RAB1A: variants seen among roughly 807,000 people sequenced by gnomAD.
RAB1A encodes ras-related protein Rab-1A.
RAB1A carries 2 observed loss-of-function variants against 26.0 expected under a neutral mutation model. The observed-to-expected ratio is 0.08, with a 90% CI of 0.03 to 0.24. The LOEUF (loss-of-function observed/expected upper bound fraction) is 0.24, where lower values mean the gene tolerates loss of function less well. RAB1A is among the 10% of genes least tolerant of loss of function. RAB1A has a pLI of 1.00. For synonymous variants in RAB1A, 84 were observed against 84.9 expected, an observed-to-expected ratio of 0.99 and a Z score of 0.06; for missense variants, 100 against 247.0, an observed-to-expected ratio of 0.40 and a Z score of 3.99.
intron 1 of RAB1A, among the ~76,000 whole-genome samples, chr2:65,113,136 A>G (rs901473552): frequency 1.1e-4 from 17 of 152,158 alleles, no homozygotes; most frequent in African/African-American, 3.9e-4. Flanking sequence ...ATGGGGAAAA[A>G]TTGAACTATA....
intron 1 of RAB1A, among the ~76,000 whole-genome samples, chr2:65,128,154 A>G (rs532036100): frequency 3.3e-5 from 5 of 152,286 alleles, no homozygotes; most frequent in African/African-American, 1.2e-4. Flanking sequence ...AAATTCTTTT[A>G]TATACATTTG....
intron 1 of RAB1A, among the ~76,000 whole-genome samples, chr2:65,111,541 A>G (rs886322980): frequency 6.6e-6 from 1 of 152,214 alleles, no homozygotes; most frequent in Middle Eastern, 3.2e-3. Flanking sequence ...AATATGGTAT[A>G]CTGAATTAGA....
intron 1 of RAB1A, among the ~76,000 whole-genome samples, chr2:65,128,642 T>C (rs767918379): frequency 2.0e-5 from 3 of 152,184 alleles, no homozygotes; most frequent in Non-Finnish European, 4.4e-5. Flanking sequence ...GTGACACACA[T>C]ATGACAGTCA....
At chr2:65,123,496 T>C (rs1415535056) in intron 1 of RAB1A, among the ~76,000 whole-genome samples, 5 of 151,994 alleles carry the variant, frequency 3.3e-5, no homozygotes, top group African/African-American at 1.2e-4. Flanking sequence ...AAGACCAAGA[T>C]ACCTGAGAAA....
At chr2:65,116,716 C>G (rs1573085795) in intron 1 of RAB1A, among the ~76,000 whole-genome samples, 1 of 152,196 alleles carries the variant, frequency 6.6e-6, no homozygotes. Flanking sequence ...CAAAGGAACA[C>G]AGGAGTTTAC....
Position 65,089,082 on chromosome 2 carries a change from T to C in RAB1A, c.289-12A>G. The C allele has an allele frequency of 6.3e-7, 1 of 1,596,514 alleles. No individual in the cohort carries two copies. The highest frequency in any genetic ancestry group is 8.6e-7 in the Non-Finnish European group (1 of 1,168,448). On this transcript the variant is annotated splice_polypyrimidine_tract_variant and intron_variant, in intron 4 of 5. Coordinates refer to ENST00000409784, the MANE Select transcript of RAB1A (RefSeq NM_004161.5). ...TTATTGAAGGACTCCTAAAAAGACA[T>C]TTGAAAGACTGATAATATAGTTCGA...
chr2:65,110,697 G>T (rs1242762962), intron 1 of RAB1A, among the ~76,000 whole-genome samples: 1 of 151,792 alleles, frequency 6.6e-6, no homozygotes, highest in Non-Finnish European at 1.5e-5. Flanking sequence ...TACTTGTAAG[G>T]CTGAGGTAGA....
At position 65,121,064 on chromosome 2, in the gene RAB1A, T is replaced by A. The variant is rs76866158; in HGVS notation, c.23+8829A>T. Among the ~76,000 whole-genome samples, 1,039 of 151,872 alleles carry A rather than the reference T, an allele frequency of 6.8e-3. 13 individuals are homozygous for A. Among genetic ancestry groups the A allele is most frequent in the African/African-American group, 0.024 (976 of 41,394 alleles). ...TGAGCCCAGGTGTTCGAGACCAGCA[T>A]AGGCAACATAGCGACATCTCATCTC... On this transcript the variant is annotated intron_variant, in intron 1 of 5. Coordinates refer to ENST00000409784, the MANE Select transcript of RAB1A (RefSeq NM_004161.5).
rs573656147 is a variant in RAB1A, at chr2:65,112,399, A to C, written c.24-7593T>G. 4.6e-5 allele frequency among the ~76,000 whole-genome samples: 7 copies of C among 152,182 alleles called. No homozygotes were observed. The East Asian group carries it at 7.8e-4, about 17-fold the overall frequency. On this transcript the variant is annotated intron_variant, in intron 1 of 5. Coordinates refer to ENST00000409784, the MANE Select transcript of RAB1A (RefSeq NM_004161.5). ...TGACCTCAAGTGATCCACCTGCCTC[A>C]GCCTCCCAAAGTGTTGGGATTATAG...
intron 2 of RAB1A, 40 bp from the exon 3 acceptor site, chr2:65,098,106 G>A: frequency 8.4e-7 from 1 of 1,183,882 alleles, no homozygotes; most frequent in African/African-American, 1.6e-5. Flanking sequence ...GTATTGTTCA[G>A]TGGAGCAGAT....
intron 1 of RAB1A, among the ~76,000 whole-genome samples, chr2:65,107,333 G>C (rs1317160783): frequency 2.0e-5 from 3 of 152,014 alleles, no homozygotes; most frequent in Non-Finnish European, 4.4e-5. Context: ...CCAAAGTGCT[G>C]GGAGTACAGG....
intron 1 of RAB1A, among the ~76,000 whole-genome samples, chr2:65,125,986 C>T (rs1259666458): frequency 1.3e-5 from 2 of 149,750 alleles, no homozygotes; most frequent in Admixed American, 1.3e-4. Flanking sequence ...ATTGTCCTGC[C>T]TCAGCCTCCC....
chr2:65,105,779 T>C (rs1669541916), intron 1 of RAB1A, among the ~76,000 whole-genome samples: 1 of 152,034 alleles, frequency 6.6e-6, no homozygotes. Context: ...CTTTTTTTTT[T>C]TGAGACGGAG....
Position 65,130,000 on chromosome 2 carries a change from AAAGGAATGAGAT to A in RAB1A, c.-97_-86del. 23 of 1,453,882 alleles carry A rather than the reference AAAGGAATGAGAT, an allele frequency of 1.6e-5. No individual in the cohort carries two copies. Among genetic ancestry groups the A allele is most frequent in the Non-Finnish European group, 2.2e-5 (23 of 1,059,222 alleles). 90.1% of individuals were successfully genotyped at this position (1,453,882 alleles called of 1,614,324 possible). A position where few individuals can be genotyped will look rare whatever the true frequency, so the allele number is the denominator to read the frequency against. ...TCTCCGCGCCACGGGTAATCGAAAG[AAAGGAATGAGAT>A]AGGCTGTTCCGGGAGAGCAAACGTC... On this transcript the variant is annotated 5_prime_UTR_variant, in exon 1 of 6. Transcript: ENST00000409784.
intron 1 of RAB1A, among the ~76,000 whole-genome samples, chr2:65,112,115 A>G (rs1040055260): frequency 2.0e-5 from 3 of 151,752 alleles, no homozygotes; most frequent in Non-Finnish European, 4.4e-5. Flanking sequence ...ACGAAAAATG[A>G]CAAACAATCA....
chr2:65,111,875 G>C (rs1206329813), intron 1 of RAB1A, among the ~76,000 whole-genome samples: 2 of 152,088 alleles, frequency 1.3e-5, no homozygotes, highest in African/African-American at 4.8e-5. Flanking sequence ...CCTGAGGTCA[G>C]GAGTTTGAGA....
chr2:65,099,096 C>CA, intron 2 of RAB1A, among the ~76,000 whole-genome samples: 1 of 152,266 alleles, frequency 6.6e-6, no homozygotes, highest in East Asian at 1.9e-4. Flanking sequence ...CTGAGCCTCT[C>CA]AAAGTGCTGG....
In RAB1A at chr2:65,087,277, AAT is replaced by A. The variant is rs1416789129; in HGVS notation, c.*1214_*1215del. The A allele has an allele frequency of 6.5e-6, 1 of 152,748 alleles. No individual in the cohort carries two copies. The highest frequency in any genetic ancestry group is 2.4e-5 in the African/African-American group (1 of 41,562). 9.5% of individuals were successfully genotyped at this position (152,748 alleles called of 1,614,324 possible). ...CTTCATATATGCAAAATGTCACCAA[AAT>A]AAATACATTTGCCTCAATTATCATT... On this transcript the variant is annotated 3_prime_UTR_variant, in exon 6 of 6. Transcript: ENST00000409784.
At chr2:65,125,572 C>T (rs1292011078) in intron 1 of RAB1A, among the ~76,000 whole-genome samples, 1 of 151,644 alleles carries the variant, frequency 6.6e-6, no homozygotes, top group Non-Finnish European at 1.5e-5. Flanking sequence ...CAGGCGTGCA[C>T]CACCACACCC....
Sources: gnomAD v4.1 joint callset for allele counts (sites outside exome capture counted in the v4.1 genomes callset) on GRCh38, gnomAD v4.1.1 for gene constraint, MANE v1.5 for transcripts, NCBI Gene and HGNC (gene_info 2026-07-23, HGNC 2026-07-21) for gene names.